CNTNAP2: variants seen among roughly 807,000 people sequenced by gnomAD.
CNTNAP2 encodes contactin-associated protein-like 2.
Under a neutral mutation model 155.2 loss-of-function variants are expected in CNTNAP2, and 98 were observed. The observed-to-expected ratio is 0.63, with a 90% confidence interval of 0.54 to 0.75. CNTNAP2 has a LOEUF of 0.75. Ranked by LOEUF, CNTNAP2 falls within the 30% of genes least tolerant of loss-of-function variation. The probability of loss-of-function intolerance (pLI) is 0.00; values close to 1 mark genes in which losing one functional copy is unlikely to be tolerated. For synonymous variants in CNTNAP2, 651 were observed against 631.2 expected, an observed-to-expected ratio of 1.03 and a Z score of -0.47; for missense variants, 1,727 against 1,688.1, an observed-to-expected ratio of 1.02 and a Z score of -0.40.
At chr7:148,332,341 A>G (rs1268103309) in intron 21 of CNTNAP2, among the ~76,000 whole-genome samples, 1 of 152,064 alleles carries the variant, frequency 6.6e-6, no homozygotes, top group Non-Finnish European at 1.5e-5. Context: ...CCACCTTCCT[A>G]TTTTATTCTT....
At chr7:147,330,194 G>A (rs1795532539) in intron 9 of CNTNAP2, among the ~76,000 whole-genome samples, 1 of 152,092 alleles carries the variant, frequency 6.6e-6, no homozygotes, top group Non-Finnish European at 1.5e-5. Context: ...TAGGCTCTAT[G>A]AAAATTCCTG....
chr7:147,428,044 A>G (rs1162458930), intron 10 of CNTNAP2, among the ~76,000 whole-genome samples: 2 of 152,224 alleles, frequency 1.3e-5, no homozygotes, highest in Non-Finnish European at 2.9e-5. Flanking sequence ...GTTGCAAAGA[A>G]TAGTACAAAT....
At chr7:146,449,955 A>G (rs936692661) in intron 1 of CNTNAP2, among the ~76,000 whole-genome samples, 1 of 152,152 alleles carries the variant, frequency 6.6e-6, no homozygotes, top group African/African-American at 2.4e-5. Context: ...CTGACATCCA[A>G]TCTGCCTAGT....
chr7:148,297,450 A>G (rs138558596), intron 21 of CNTNAP2, among the ~76,000 whole-genome samples: 276 of 152,326 alleles, frequency 1.8e-3, no homozygotes, highest in Middle Eastern at 0.014. Context: ...CACCTGTAGT[A>G]GAACAAATGT....
At chr7:148,261,871 G>A (rs1166223726) in intron 20 of CNTNAP2, among the ~76,000 whole-genome samples, 11 of 152,166 alleles carry the variant, frequency 7.2e-5, no homozygotes, top group Admixed American at 7.2e-4. Flanking sequence ...CCCCCTCCTC[G>A]AGCCTGTGCT....
rs1284001612 is a variant in CNTNAP2, at chr7:148,377,883, CT to C, written c.3476-5763del. Among the ~76,000 whole-genome samples the C allele has an allele frequency of 2.9e-5, 2 of 67,992 alleles. 1 individual carries two copies. Among genetic ancestry groups the C allele is most frequent in the African/African-American group, 7.2e-5 (2 of 27,704 alleles). The allele number at this position is 67,992 out of a possible 152,430, so 44.6% of individuals were successfully genotyped here. On this transcript the variant is annotated intron_variant, in intron 21 of 23. Transcript: ENST00000361727. The stretch of plus-strand genomic sequence containing the variant: ...ACCCATACAACCATTCTGTTTTCCA[CT>C]TTCAACACTTTATTATAAAATAGGT...
intron 1 of CNTNAP2, among the ~76,000 whole-genome samples, chr7:146,741,365 A>C (rs531523114): frequency 1.8e-4 from 27 of 152,170 alleles, no homozygotes; most frequent in Non-Finnish European, 3.2e-4. Flanking sequence ...TTGACTGCTC[A>C]TCTGTTGCTG....
At chr7:146,771,944 A>G (rs1451811548) in intron 1 of CNTNAP2, among the ~76,000 whole-genome samples, 5 of 152,160 alleles carry the variant, frequency 3.3e-5, no homozygotes, top group Non-Finnish European at 7.3e-5. Context: ...TACTCTAAAA[A>G]TTAAGTGTTG....
chr7:147,909,853 TG>T (rs1165747168), intron 14 of CNTNAP2, among the ~76,000 whole-genome samples: 1 of 152,180 alleles, frequency 6.6e-6, no homozygotes, highest in Admixed American at 6.5e-5. Flanking sequence ...ACATACATGG[TG>T]GAAAATAAGT....
chr7:148,129,206 C>T (rs1160132400), intron 16 of CNTNAP2, among the ~76,000 whole-genome samples: 1 of 152,140 alleles, frequency 6.6e-6, no homozygotes, highest in East Asian at 1.9e-4. Flanking sequence ...TAGACTCTCC[C>T]TATTAAACTC....
intron 10 of CNTNAP2, among the ~76,000 whole-genome samples, chr7:147,434,256 A>G (rs1797513241): frequency 6.6e-6 from 1 of 152,156 alleles, no homozygotes; most frequent in Admixed American, 6.5e-5. Context: ...GTTAATAATT[A>G]TGTTGATTTC....
intron 1 of CNTNAP2, among the ~76,000 whole-genome samples, chr7:146,225,006 GT>G (rs1799269626): frequency 6.6e-6 from 1 of 152,104 alleles, no homozygotes; most frequent in Admixed American, 6.6e-5. Flanking sequence ...TCCTATTGGT[GT>G]TTTTATGTGA....
At chr7:147,976,941 G>T (rs1801435490) in intron 14 of CNTNAP2, among the ~76,000 whole-genome samples, 1 of 151,952 alleles carries the variant, frequency 6.6e-6, no homozygotes, top group African/African-American at 2.4e-5. Context: ...GGGTAAATTT[G>T]AGGAATGACA....
intron 1 of CNTNAP2, among the ~76,000 whole-genome samples, chr7:146,458,390 A>G (rs1563091896): frequency 6.6e-6 from 1 of 152,194 alleles, no homozygotes. Flanking sequence ...TCTATTAAGA[A>G]AAAAATCCCA....
At chr7:146,781,816 G>C (rs1315059185) in intron 2 of CNTNAP2, among the ~76,000 whole-genome samples, 1 of 152,000 alleles carries the variant, frequency 6.6e-6, no homozygotes, top group Non-Finnish European at 1.5e-5. Flanking sequence ...AGAAGGATCT[G>C]TCACAACTAA....
At chr7:146,538,645 G>A (rs1438318447) in intron 1 of CNTNAP2, among the ~76,000 whole-genome samples, 1 of 151,874 alleles carries the variant, frequency 6.6e-6, no homozygotes, top group African/African-American at 2.4e-5. Flanking sequence ...ACAGAGAAGG[G>A]AGCAAGCATT....
intron 9 of CNTNAP2, among the ~76,000 whole-genome samples, chr7:147,384,354 A>G (rs1245232380): frequency 2.0e-5 from 3 of 152,218 alleles, no homozygotes; most frequent in Admixed American, 2.0e-4. Context: ...TGTAAATTTC[A>G]GAAGAGGGAT....
At chr7:147,353,433 G>T (rs566413503) in intron 9 of CNTNAP2, among the ~76,000 whole-genome samples, 3 of 152,098 alleles carry the variant, frequency 2.0e-5, no homozygotes, top group East Asian at 3.9e-4. Context: ...TGCTGAGAAT[G>T]ATGGTTTCCA....
chr7:147,586,216 A>G (rs1800617074), intron 12 of CNTNAP2, among the ~76,000 whole-genome samples: 1 of 152,136 alleles, frequency 6.6e-6, no homozygotes, highest in Non-Finnish European at 1.5e-5. Flanking sequence ...TATTATGCAG[A>G]TGAAGCCTCC....
Sources: gnomAD v4.1 joint callset for allele counts (sites outside exome capture counted in the v4.1 genomes callset) on GRCh38, gnomAD v4.1.1 for gene constraint, MANE v1.5 for transcripts, NCBI Gene and HGNC (gene_info 2026-07-23, HGNC 2026-07-21) for gene names.